Variants in MED13L observed in about 807,000 individuals in gnomAD.
MED13L encodes the protein mediator complex subunit 13L.
MED13L carries 7 observed loss-of-function variants against 220.9 expected under a neutral mutation model. The ratio of observed to expected loss-of-function variants is 0.03; its 90% confidence interval spans 0.02 to 0.06. The LOEUF is 0.06. MED13L is among the 10% of genes least tolerant of loss of function. The pLI is 1.00. For synonymous variants in MED13L, 1,011 were observed against 1,015.2 expected (o/e 1.00, Z 0.08); for missense variants, 1,965 against 2,760.5 (o/e 0.71, Z 6.46).
At chr12:116,011,300 A>G (rs1052533807) in intron 9 of MED13L, among the ~76,000 whole-genome samples, 2 of 152,234 alleles carry the variant, frequency 1.3e-5, no homozygotes, top group Non-Finnish European at 2.9e-5. Context: ...TTATAAAAAA[A>G]AGACCTGAAG....
At chr12:116,226,958 G>GT (rs768438065) in intron 2 of MED13L, among the ~76,000 whole-genome samples, 11,787 of 144,196 alleles carry the variant, frequency 0.082, 467 homozygotes, top group South Asian at 0.1. Context: ...TACCATTAAG[G>GT]TTTTTTTTTT....
Position 116,008,625 on chromosome 12 carries a change from A to G in MED13L, c.1788T>C (p.Asp596=). The change falls in exon 10 of 31, where the codon GAT becomes GAC. Residue 596 remains aspartate, a synonymous_variant. Coordinates refer to ENST00000281928, the MANE Select transcript of MED13L (RefSeq NM_015335.5). ...TTTGGCCTACGAGGACAGTTCTGTC[A>G]TCCAGAGTAGACAACTGCTGGAGTT... ...GLELQQLSTL[D]DRTVLVGQRL... The G allele has an allele frequency of 6.2e-7, 1 of 1,614,104 alleles. No homozygotes were observed. The highest frequency in any genetic ancestry group is 8.5e-7 in the Non-Finnish European group (1 of 1,180,006).
At chr12:116,179,854 C>A (rs1166086035) in intron 2 of MED13L, among the ~76,000 whole-genome samples, 1 of 152,014 alleles carries the variant, frequency 6.6e-6, no homozygotes, top group Non-Finnish European at 1.5e-5. Context: ...TAGTTGTTTG[C>A]CCAAATACAA....
Position 116,269,894 on chromosome 12 carries a change from G to A in MED13L, c.72+7166C>T, listed in dbSNP as rs538404155. Among the ~76,000 whole-genome samples, 16 of 150,262 alleles carry A rather than the reference G, an allele frequency of 1.1e-4. No homozygotes were observed. In the South Asian group the frequency reaches 2.7e-3, roughly 26 times the overall value. ...GCCAATGAAATAACATTTTGCCTTG[G>A]ACACAACTGACTCTCCTGTCATCTA... is the stretch of plus-strand genomic sequence containing the variant. On this transcript the variant is annotated intron_variant, in intron 1 of 30. Coordinates refer to ENST00000281928, the MANE Select transcript of MED13L (RefSeq NM_015335.5).
At chr12:116,088,524 G>A (rs551854366) in intron 4 of MED13L, among the ~76,000 whole-genome samples, 1 of 152,264 alleles carries the variant, frequency 6.6e-6, no homozygotes, top group African/African-American at 2.4e-5. Context: ...CAGGTAGGGA[G>A]AGATCAGGGA....
At chr12:116,229,455 T>C (rs1869333747) in intron 2 of MED13L, among the ~76,000 whole-genome samples, 1 of 152,210 alleles carries the variant, frequency 6.6e-6, no homozygotes, top group Non-Finnish European at 1.5e-5. Context: ...TACCAATTCT[T>C]TAATTTTCAT....
At chr12:116,017,109 G>C (rs1879771847) in intron 7 of MED13L, among the ~76,000 whole-genome samples, 1 of 149,108 alleles carries the variant, frequency 6.7e-6, no homozygotes, top group Non-Finnish European at 1.5e-5. Flanking sequence ...TTGTTCAGTT[G>C]TGTGTGTTTG....
In MED13L at chr12:116,003,000, T is replaced by C. The variant is rs1878838719; in HGVS notation, c.2569+3A>G. On this transcript the variant is annotated splice_donor_region_variant and intron_variant, in intron 14 of 30. Coordinates refer to ENST00000281928, the MANE Select transcript of MED13L (RefSeq NM_015335.5). ...AATGGCTCAGTCAAGTTTCTCTACCTACTTGGTGGATAAGGAACAGCAGCT... is the reference window on the plus strand; with the variant it reads ...AATGGCTCAGTCAAGTTTCTCTACCCACTTGGTGGATAAGGAACAGCAGCT... The C allele has an allele frequency of 6.2e-7, 1 of 1,611,600 alleles. No individual in the cohort carries two copies. Among genetic ancestry groups the C allele is most frequent in the Non-Finnish European group, 8.5e-7 (1 of 1,177,652 alleles).
rs1565987366 is a variant in MED13L, at chr12:115,975,151, C to T, written c.5731+20G>A. 1.2e-6 allele frequency: 2 copies of T among 1,613,754 alleles called. No individual in the cohort carries two copies. Among genetic ancestry groups the T allele is most frequent in the Non-Finnish European group, 1.7e-6 (2 of 1,179,750 alleles). ...CCTTTTCCTCTGTCTTCTGCAAATA[C>T]TTCTTCAAAAATTTCTCACCTTTAA... On this transcript the variant is annotated intron_variant, in intron 25 of 30. Transcript: ENST00000281928.
intron 4 of MED13L, among the ~76,000 whole-genome samples, chr12:116,071,908 C>T (rs1268867475): frequency 6.6e-6 from 1 of 152,202 alleles, no homozygotes; most frequent in African/African-American, 2.4e-5. Flanking sequence ...TCCAGCCATA[C>T]TACCCTGGTA....
chr12:116,117,028 G>A (rs1874584055), intron 2 of MED13L, among the ~76,000 whole-genome samples: 1 of 151,744 alleles, frequency 6.6e-6, no homozygotes, highest in African/African-American at 2.4e-5. Flanking sequence ...AGTTGTATTT[G>A]TAAATGCCAA....
intron 3 of MED13L, among the ~76,000 whole-genome samples, chr12:116,101,399 T>A (rs1873054092): frequency 6.6e-6 from 1 of 152,246 alleles, no homozygotes; most frequent in South Asian, 2.1e-4. Flanking sequence ...ATGAATGCCA[T>A]ATACCAAGGA....
chr12:116,274,859 G>A (rs1157882526), intron 1 of MED13L, among the ~76,000 whole-genome samples: 1 of 151,930 alleles, frequency 6.6e-6, no homozygotes, highest in Non-Finnish European at 1.5e-5. Context: ...AAGAGGTTTA[G>A]GGGAGAAATA....
chr12:115,969,221 T>C, intron 27 of MED13L, 124 bp from the exon 28 acceptor site: 1 of 1,073,310 alleles, frequency 9.3e-7, no homozygotes, highest in East Asian at 2.6e-5. Context: ...ACACACACTG[T>C]TAATAACTTA....
chr12:116,254,254 A>G (rs1871839766), intron 1 of MED13L, among the ~76,000 whole-genome samples: 1 of 152,096 alleles, frequency 6.6e-6, no homozygotes, highest in African/African-American at 2.4e-5. Context: ...GAAGCAAGAA[A>G]AAGTAGTAAA....
intron 2 of MED13L, among the ~76,000 whole-genome samples, chr12:116,167,102 A>G (rs187374799): frequency 8.5e-5 from 13 of 152,310 alleles, no homozygotes; most frequent in African/African-American, 3.1e-4. Context: ...TAAAGAAACA[A>G]AAGATTAAAG....
At chr12:116,105,077 A>C (rs749714107) in intron 3 of MED13L, among the ~76,000 whole-genome samples, 16 of 152,354 alleles carry the variant, frequency 1.1e-4, no homozygotes, top group Middle Eastern at 3.4e-3. Flanking sequence ...ACAAAGTAAC[A>C]GCCATTAGGT....
chr12:116,271,233 T>G (rs1873310422), intron 1 of MED13L, among the ~76,000 whole-genome samples: 1 of 151,806 alleles, frequency 6.6e-6, no homozygotes, highest in Non-Finnish European at 1.5e-5. Flanking sequence ...GTGTGTGCGC[T>G]AGAATACTAT....
intron 2 of MED13L, among the ~76,000 whole-genome samples, chr12:116,113,764 GGTAAGA>G (rs1235256273): frequency 3.5e-5 from 3 of 86,922 alleles, no homozygotes; most frequent in Non-Finnish European, 7.1e-5. Context: ...GGGAGGGAGG[GGTAAGA>G]GGGAGAGGGG....
Sources: gnomAD v4.1 joint callset for allele counts (sites outside exome capture counted in the v4.1 genomes callset) on GRCh38, gnomAD v4.1.1 for gene constraint, MANE v1.5 for transcripts, NCBI Gene and HGNC (gene_info 2026-07-23, HGNC 2026-07-21) for gene names.